The following PTCH2 variants were observed in gnomAD, a reference collection of about 807,000 sequenced individuals.
The protein encoded by PTCH2 is patched 2, also known as protein patched homolog 2.
A neutral mutation model predicts 117.9 loss-of-function variants in PTCH2; 96 were observed. That is an observed-to-expected ratio of 0.81 (90% CI 0.69 to 0.96). The LOEUF is 0.96. Ranked by LOEUF, PTCH2 falls within the 50% of genes least tolerant of loss-of-function variation. The pLI, the probability that PTCH2 is intolerant of heterozygous loss-of-function variation, is 0.00. For missense variants in PTCH2, 1,379 were observed against 1,562.5 expected (o/e 0.88, Z 1.98); for synonymous variants, 615 against 660.9 (o/e 0.93, Z 1.06).
At chr1:44,835,783 G>A (rs58863223) in intron 2 of PTCH2, among the ~76,000 whole-genome samples, 47 of 152,276 alleles carry the variant, frequency 3.1e-4, no homozygotes, top group African/African-American at 9.6e-4. Context: ...AGGTGCCCAC[G>A]AGAAGAAGTC....
At chr1:44,839,820 G>C (rs11573543) in intron 2 of PTCH2, among the ~76,000 whole-genome samples, 30,698 of 152,006 alleles carry the variant, frequency 0.2, 3,458 homozygotes, top group East Asian at 0.53. Flanking sequence ...ATGGATGTGA[G>C]AGTCTGCAGG....
At chr1:44,833,799 C>T (rs1442128556) in intron 2 of PTCH2, among the ~76,000 whole-genome samples, 1 of 151,476 alleles carries the variant, frequency 6.6e-6, no homozygotes, top group Non-Finnish European at 1.5e-5. Flanking sequence ...GGTTTCACGG[C>T]CTCCCAAAGT....
rs749955039 is a variant in PTCH2 at position 44,829,217 on chromosome 1, C to T, written c.1311G>A (p.Val437=). ...LAGVLLVALA[V]ASGLGLCALL... The stretch of plus-strand genomic sequence containing the variant: ...GGGCACAGAGCCCAAGGCCTGAGGC[C>T]ACCGCCAGGGCCACCAGCAGTACCC... The change falls in exon 10 of 22, where the codon GTG becomes GTA. Residue 437 remains valine (V), a synonymous_variant. Coordinates refer to ENST00000372192, the MANE Select transcript of PTCH2 (RefSeq NM_003738.5). The T allele has an allele frequency of 3.7e-6, 6 of 1,613,426 alleles. No individual in the cohort carries two copies. The highest frequency in any genetic ancestry group is 5.1e-6 in the Non-Finnish European group (6 of 1,180,030).
rs900911841 is a variant in PTCH2, at chr1:44,822,461, C to G, written c.3566G>C (p.Ser1189Thr). The G allele has an allele frequency of 1.1e-5, 18 of 1,613,938 alleles. No individual in the cohort carries two copies. The Middle Eastern group carries it at 5.0e-4, about 44-fold the overall frequency. The change falls in exon 22 of 22, where the codon AGC (serine) becomes ACC (threonine). Residue 1189 changes from serine to threonine, a missense_variant. Ser to Thr is a moderately conservative substitution (Grantham distance 58). Coordinates refer to ENST00000372192, the MANE Select transcript of PTCH2 (RefSeq NM_003738.5). Reference protein sequence around the residue: ...DEPPWSPAATSSGNLSSRGPG... With the variant: ...DEPPWSPAATTSGNLSSRGPG... ...TCCCCTGGAACTGAGGTTGCCAGAG[C>G]TAGTGGCAGCAGGGGACCAAGGGGG...
chr1:44,828,522 C>T lies in PTCH2; in HGVS notation c.1574G>A (p.Arg525Gln), dbSNP rs780947486. The change falls in exon 12 of 22, where the codon CGA (arginine) becomes CAA (glutamine). Residue 525 changes from arginine (R) to glutamine (Q), a missense_variant. Coordinates refer to ENST00000372192, the MANE Select transcript of PTCH2 (RefSeq NM_003738.5). ...AGGCCTCACCTGTAGGGAGAAGGCTCGCAGCGCAGGGATGGGAACGAGGGC... is the reference window on the plus strand; with the variant it reads ...AGGCCTCACCTGTAGGGAGAAGGCTTGCAGCGCAGGGATGGGAACGAGGGC... ...MAALVPIPALRAFSLQAAIVV... is the reference protein window; with the variant it reads ...MAALVPIPALQAFSLQAAIVV... The T allele has an allele frequency of 1.9e-5, 31 of 1,614,000 alleles. No individual in the cohort carries two copies. Among genetic ancestry groups the T allele is most frequent in the East Asian group, 1.6e-4 (7 of 44,898 alleles).
chr1:44,821,673 TTC>T, downstream of PTCH2: 1 of 748,588 alleles, frequency 1.3e-6, no homozygotes, highest in Non-Finnish European at 1.6e-6. Context: ...CACAGTGGGG[TTC>T]TTTTTTTTCT....
At position 44,823,657 on chromosome 1, in the gene PTCH2, G is replaced by C. The variant is rs1336088421; in HGVS notation, c.3115-272C>G. ...AGACCCTGTCTCTTAAAACAAACAA[G>C]CCCGGGCACGGTGGCTCATGCCTGT... On this transcript the variant is annotated intron_variant, in intron 19 of 21. Transcript: ENST00000372192. The surrounding 1 kb of genome is among the most constrained non-coding windows in gnomAD (Gnocchi z 5.1). Among the ~76,000 whole-genome samples the C allele has an allele frequency of 2.0e-5, 3 of 151,482 alleles. No individual in the cohort carries two copies. The highest frequency in any genetic ancestry group is 4.9e-5 in the African/African-American group (2 of 41,138).
chr1:44,821,582 G>A (rs970043807), downstream of PTCH2, among the ~76,000 whole-genome samples: 1 of 152,146 alleles, frequency 6.6e-6, no homozygotes, highest in African/African-American at 2.4e-5. Flanking sequence ...CTGCCTTGCC[G>A]TTTCCCGTGC....
chr1:44,824,311 A>G (rs773467825), intron 19 of PTCH2, among the ~76,000 whole-genome samples: 54 of 152,318 alleles, frequency 3.5e-4, no homozygotes, highest in Non-Finnish European at 6.9e-4. Flanking sequence ...GAATAATAAT[A>G]GAGATATTTG....
chr1:44,838,566 A>G (rs1190941702), intron 2 of PTCH2, among the ~76,000 whole-genome samples: 1 of 151,958 alleles, frequency 6.6e-6, no homozygotes, highest in Non-Finnish European at 1.5e-5. Flanking sequence ...TTAGAGAACA[A>G]TCTGCCTCTG....
chr1:44,840,804 G>T (rs957633821), intron 2 of PTCH2, among the ~76,000 whole-genome samples: 2 of 152,158 alleles, frequency 1.3e-5, no homozygotes, highest in East Asian at 3.9e-4. Flanking sequence ...TGAGGCACAA[G>T]AATCACTTGA....
chr1:44,839,600 G>A (rs1414017809), intron 2 of PTCH2, among the ~76,000 whole-genome samples: 1 of 152,086 alleles, frequency 6.6e-6, no homozygotes, highest in Non-Finnish European at 1.5e-5. Flanking sequence ...GTTTAGATGG[G>A]GAGAATGTGG....
Position 44,830,884 on chromosome 1 carries a change from G to C in PTCH2, c.777C>G (p.His259Gln). The C allele has an allele frequency of 6.4e-7, 1 of 1,572,510 alleles. No homozygotes were observed. The highest frequency in any genetic ancestry group is 8.7e-7 in the Non-Finnish European group (1 of 1,150,814). ...GATGGTTGGGGGCACTAGGTGGGCA[G>C]TGGAGGTCATCAGGGTGCAGACAGG... Reference protein sequence around the residue: ...GRPCLHPDDLHCPPSAPNHHS... With the variant: ...GRPCLHPDDLQCPPSAPNHHS... The change falls in exon 6 of 22, where the codon CAC becomes CAG. Residue 259 changes from histidine (H) to glutamine (Q), a missense_variant. His to Gln is a conservative substitution (Grantham distance 24). Transcript: ENST00000372192.
In PTCH2 at chr1:44,831,106, TG is replaced by T. The variant is rs1653426540; in HGVS notation, c.618-64del. 4.7e-6 allele frequency: 7 copies of T among 1,496,324 alleles called. No individual in the cohort carries two copies. Among genetic ancestry groups the T allele is most frequent in the Middle Eastern group, 2.4e-4 (1 of 4,214 alleles). 92.7% of individuals were successfully genotyped at this position (1,496,324 alleles called of 1,614,324 possible). ...GAAAACCCAGGCTCCAAACTGCTGC[TG>T]GGGCGCCATGCTGTACCCCACCCTC... is the stretch of plus-strand genomic sequence containing the variant. On this transcript the variant is annotated intron_variant, in intron 5 of 21. Coordinates refer to ENST00000372192, the MANE Select transcript of PTCH2 (RefSeq NM_003738.5). This position sits in a 1 kb window ranked among gnomAD's most constrained non-coding sequence, Gnocchi z 4.3.
chr1:44,829,199 G>C lies in PTCH2; in HGVS notation c.1329C>G (p.Leu443=). The C allele has an allele frequency of 6.2e-7, 1 of 1,613,608 alleles. No homozygotes were observed. Among genetic ancestry groups the C allele is most frequent in the Non-Finnish European group, 8.5e-7 (1 of 1,180,022 alleles). ...TGAAGGTGATGCCGAGCAGGGCACA[G>C]AGCCCAAGGCCTGAGGCCACCGCCA... ...VALAVASGLG[L]CALLGITFNA... is the part of the protein sequence containing the mutation. Residue 443 remains leucine (L), a synonymous_variant, in exon 10 of 22, where the codon CTC becomes CTG. Coordinates refer to ENST00000372192, the MANE Select transcript of PTCH2 (RefSeq NM_003738.5).
intron 7 of PTCH2, 54 bp downstream of exon 7, chr1:44,829,855 A>G (rs1285764196): frequency 6.2e-7 from 1 of 1,613,856 alleles, no homozygotes; most frequent in Non-Finnish European, 8.5e-7. Context: ...CTGGCATTAC[A>G]GTATGGGTTC....
intron 2 of PTCH2, among the ~76,000 whole-genome samples, chr1:44,840,254 C>T (rs1474364525): frequency 6.6e-6 from 1 of 151,700 alleles, no homozygotes; most frequent in African/African-American, 2.4e-5. Flanking sequence ...AGGCGCCCGC[C>T]ACCACGCCTG....
chr1:44,841,791 G>A (rs987734218), intron 2 of PTCH2, 56 bp downstream of exon 2: 56 of 1,594,832 alleles, frequency 3.5e-5, no homozygotes, highest in Middle Eastern at 3.3e-4. Flanking sequence ...TCCTCACCCC[G>A]TTCTTGTCTT....
Position 44,827,737 on chromosome 1 carries a change from T to TG in PTCH2, c.2059-24dup, listed in dbSNP as rs774847684. 5 of 1,611,152 alleles carry TG rather than the reference T, an allele frequency of 3.1e-6. No individual in the cohort carries two copies. In the African/African-American group the frequency reaches 6.7e-5, roughly 22 times the overall value. ...GGCCTGCGGGATGTAGCAACTAAGCTGGAGACCCCAGGGCTGCCCCCAGCC... is the reference window on the plus strand; with the variant it reads ...GGCCTGCGGGATGTAGCAACTAAGCTGGGAGACCCCAGGGCTGCCCCCAGCC... On this transcript the variant is annotated intron_variant, in intron 14 of 21. Coordinates refer to ENST00000372192, the MANE Select transcript of PTCH2 (RefSeq NM_003738.5).
Sources: gnomAD v4.1 joint callset for allele counts (sites outside exome capture counted in the v4.1 genomes callset) on GRCh38, gnomAD v4.1.1 for gene constraint, Gnocchi (gnomAD v3.1) non-coding constraint, MANE v1.5 for transcripts, NCBI Gene and HGNC (gene_info 2026-07-23, HGNC 2026-07-21) for gene names.